AGBL4: variants seen among roughly 807,000 people sequenced by gnomAD.
The protein encoded by AGBL4 is AGBL carboxypeptidase 4.
A neutral mutation model predicts 66.4 loss-of-function variants in AGBL4; 58 were observed. The ratio of observed to expected loss-of-function variants is 0.87; its 90% CI spans 0.71 to 1.09. AGBL4 has a LOEUF of 1.09. AGBL4 is among the 50% of genes least tolerant of loss of function. The pLI, the probability that AGBL4 is intolerant of heterozygous loss-of-function variation, is 0.00. For synonymous variants in AGBL4, 234 were observed against 222.9 expected, an observed-to-expected ratio of 1.05 and a Z score of -0.44; for missense variants, 579 against 631.0, an observed-to-expected ratio of 0.92 and a Z score of 0.88.
At chr1:49,248,796 T>C (rs931283159) in intron 3 of AGBL4, among the ~76,000 whole-genome samples, 4 of 152,208 alleles carry the variant, frequency 2.6e-5, no homozygotes, top group Non-Finnish European at 5.9e-5. Flanking sequence ...TTCTCATCAA[T>C]AAAGCCAGAT....
intron 11 of AGBL4, among the ~76,000 whole-genome samples, chr1:48,542,590 C>G (rs1320532863): frequency 6.6e-6 from 1 of 152,164 alleles, no homozygotes; most frequent in Non-Finnish European, 1.5e-5. Flanking sequence ...CTCTAATGAC[C>G]AGTGATGATG....
rs1185334400 is a variant in AGBL4, at chr1:49,690,076, C to T, written c.282+7237G>A. Among the ~76,000 whole-genome samples the T allele has an allele frequency of 3.3e-5, 5 of 152,288 alleles. No homozygotes were observed. In the East Asian group the frequency reaches 9.6e-4, roughly 29 times the overall value. ...AGCAGCCATGAACATCAAGGCAAGACCCTTCACCAGCCAAAAAGATTAAGA... is the reference window on the plus strand; with the variant it reads ...AGCAGCCATGAACATCAAGGCAAGATCCTTCACCAGCCAAAAAGATTAAGA... On this transcript the variant is annotated intron_variant, in intron 3 of 13. Transcript: ENST00000371839.
chr1:49,940,518 G>T (rs1043258682), intron 1 of AGBL4, among the ~76,000 whole-genome samples: 2 of 152,118 alleles, frequency 1.3e-5, no homozygotes, highest in African/African-American at 4.8e-5. Flanking sequence ...ATACTATGCA[G>T]CCATAAAAAA....
intron 9 of AGBL4, among the ~76,000 whole-genome samples, chr1:48,609,711 C>A (rs1168551990): frequency 5.3e-5 from 8 of 152,178 alleles, no homozygotes; most frequent in Non-Finnish European, 8.8e-5. Context: ...ACATGAGCCA[C>A]CATGCTTGGT....
chr1:49,607,667 T>A (rs1645084462), intron 3 of AGBL4, among the ~76,000 whole-genome samples: 1 of 152,130 alleles, frequency 6.6e-6, no homozygotes, highest in African/African-American at 2.4e-5. Flanking sequence ...GTGTCTTTAG[T>A]CTATACAGCA....
At chr1:49,743,771 G>A (rs1650753916) in intron 2 of AGBL4, among the ~76,000 whole-genome samples, 1 of 151,922 alleles carries the variant, frequency 6.6e-6, no homozygotes, top group East Asian at 1.9e-4. Flanking sequence ...GATGAAGCTG[G>A]AAACCATCAT....
chr1:49,207,484 C>T (rs200811325), intron 4 of AGBL4, among the ~76,000 whole-genome samples: 1 of 130,258 alleles, frequency 7.7e-6, no homozygotes, highest in African/African-American at 2.8e-5. Flanking sequence ...CTTTCTTTTT[C>T]TTTCTTTCTT....
intron 6 of AGBL4, among the ~76,000 whole-genome samples, chr1:48,676,736 C>T (rs149676944): frequency 2.0e-5 from 3 of 152,130 alleles, no homozygotes; most frequent in Admixed American, 6.5e-5. Context: ...GAGGCTAATA[C>T]ACTGGCAAGA....
intron 8 of AGBL4, among the ~76,000 whole-genome samples, chr1:48,647,276 T>C (rs1645853118): frequency 6.6e-6 from 1 of 152,154 alleles, no homozygotes; most frequent in Admixed American, 6.5e-5. Flanking sequence ...TCCCAAGAAA[T>C]ACTGAGGTTT....
intron 5 of AGBL4, among the ~76,000 whole-genome samples, chr1:48,970,125 TG>T (rs1315136704): frequency 1.3e-5 from 2 of 152,164 alleles, no homozygotes; most frequent in Non-Finnish European, 2.9e-5. Flanking sequence ...TTATCCATTG[TG>T]GTGAACTGTC....
chr1:49,902,607 C>T (rs184595606), intron 1 of AGBL4, among the ~76,000 whole-genome samples: 5 of 151,954 alleles, frequency 3.3e-5, no homozygotes, highest in East Asian at 3.9e-4. Flanking sequence ...ATTAGCTGGG[C>T]GTGGTGGCAC....
intron 5 of AGBL4, among the ~76,000 whole-genome samples, chr1:49,026,038 A>G (rs1409929578): frequency 2.0e-5 from 3 of 151,982 alleles, no homozygotes; most frequent in Admixed American, 1.3e-4. Flanking sequence ...ACTACCACAA[A>G]TCAGTTTTAG....
intron 3 of AGBL4, among the ~76,000 whole-genome samples, chr1:49,296,990 T>C (rs918405704): frequency 1.3e-5 from 2 of 152,236 alleles, no homozygotes; most frequent in Non-Finnish European, 2.9e-5. Flanking sequence ...GTAAGTATCT[T>C]GGCTGGTCAG....
chr1:49,131,747 T>C (rs556223008), intron 4 of AGBL4, among the ~76,000 whole-genome samples: 31 of 152,234 alleles, frequency 2.0e-4, no homozygotes, highest in Admixed American at 5.9e-4. Flanking sequence ...TTGATTGAGT[T>C]CTAGGAAGAG....
intron 2 of AGBL4, among the ~76,000 whole-genome samples, chr1:49,717,205 A>G (rs1480331994): frequency 6.6e-6 from 1 of 152,022 alleles, no homozygotes; most frequent in Admixed American, 6.6e-5. Flanking sequence ...GAAATAAGAA[A>G]GGACACATAC....
intron 2 of AGBL4, among the ~76,000 whole-genome samples, chr1:49,773,390 C>T (rs1443679006): frequency 6.6e-6 from 1 of 152,164 alleles, no homozygotes; most frequent in Non-Finnish European, 1.5e-5. Context: ...TACATATCTG[C>T]ACATCGAGTG....
chr1:48,535,381 A>G (rs549514632), intron 12 of AGBL4, among the ~76,000 whole-genome samples: 2 of 152,280 alleles, frequency 1.3e-5, no homozygotes, highest in East Asian at 3.9e-4. Flanking sequence ...AGCACTTTGT[A>G]CATTTCATCG....
intron 3 of AGBL4, among the ~76,000 whole-genome samples, chr1:49,470,349 T>A (rs1394495163): frequency 1.3e-5 from 2 of 152,020 alleles, no homozygotes; most frequent in African/African-American, 4.8e-5. Flanking sequence ...TTGTAAAATA[T>A]TCCTATAAGA....
chr1:49,450,513 A>C (rs1316705919), intron 3 of AGBL4, among the ~76,000 whole-genome samples: 1 of 152,134 alleles, frequency 6.6e-6, no homozygotes, highest in Non-Finnish European at 1.5e-5. Context: ...AAATTCTCTT[A>C]GGTATTTCAG....
Sources: allele counts gnomAD v4.1 joint callset (sites outside exome capture counted in the v4.1 genomes callset), GRCh38; gene constraint gnomAD v4.1.1; transcripts MANE v1.5; gene names NCBI Gene and HGNC (gene_info 2026-07-23, HGNC 2026-07-21).